CRYL1: variants seen among roughly 807,000 people sequenced by gnomAD.
CRYL1 encodes the protein crystallin lambda 1, also known as lambda-crystallin homolog.
Under a neutral mutation model 36.6 loss-of-function variants are expected in CRYL1, and 29 were observed. The observed-to-expected ratio is 0.79, with a 90% confidence interval of 0.59 to 1.08. The LOEUF (loss-of-function observed/expected upper bound fraction) is 1.08. Among genes scored for constraint, CRYL1 ranks in the 50% least tolerant of loss-of-function variants. The pLI is 0.00. For synonymous variants in CRYL1, 152 were observed against 151.5 expected, an observed-to-expected ratio of 1.00 and a Z score of -0.02; for missense variants, 411 against 407.9, an observed-to-expected ratio of 1.01 and a Z score of -0.06.
rs73445975 is a variant in CRYL1 at position 20,492,715 on chromosome 13, G to A, written c.150-3219C>T. Among the ~76,000 whole-genome samples the A allele has an allele frequency of 7.3e-3, 1,110 of 152,190 alleles. 14 individuals carry two copies. Among genetic ancestry groups the A allele is most frequent in the African/African-American group, 0.026 (1,065 of 41,516 alleles). On this transcript the variant is annotated intron_variant, in intron 2 of 7. Transcript: ENST00000298248. ...TTCTTAATTCAATTACATCTGCAACGTCCCATTTGCCATGTAAAGTTCTGG... is the reference window on the plus strand; with the variant it reads ...TTCTTAATTCAATTACATCTGCAACATCCCATTTGCCATGTAAAGTTCTGG...
intron 2 of CRYL1, among the ~76,000 whole-genome samples, chr13:20,507,200 T>C (rs1225632016): frequency 6.6e-6 from 1 of 152,238 alleles, no homozygotes; most frequent in Non-Finnish European, 1.5e-5. Context: ...GAAAACAGAC[T>C]AATACCGGAT....
intron 3 of CRYL1, among the ~76,000 whole-genome samples, chr13:20,476,566 G>A (rs997757019): frequency 1.3e-5 from 2 of 152,196 alleles, no homozygotes; most frequent in East Asian, 1.9e-4. Flanking sequence ...GCAGCTCTGC[G>A]TCAGCAGATA....
Position 20,415,480 on chromosome 13 carries a change from C to T in CRYL1, c.634-2093G>A, listed in dbSNP as rs2031638979. Among the ~76,000 whole-genome samples the T allele has an allele frequency of 6.6e-6, 1 of 152,304 alleles. No homozygotes were observed. Among genetic ancestry groups the T allele is most frequent in the South Asian group, 2.1e-4 (1 of 4,830 alleles). ...AGAGAGCGCGGCGGTGAAGCGGGAG[C>T]AGGCGGCCTGGCCCAGGAGCCAGGA... On this transcript the variant is annotated intron_variant, in intron 5 of 7. Transcript: ENST00000298248. The surrounding 1 kb of genome is among the most constrained non-coding windows in gnomAD (Gnocchi z 4.1).
rs142992225 is a variant in CRYL1 at position 20,435,943 on chromosome 13, G to A, written c.439-3647C>T. 0.01 allele frequency among the ~76,000 whole-genome samples: 1,528 copies of A among 152,296 alleles called. 23 individuals carry two copies. Among genetic ancestry groups the A allele is most frequent in the Middle Eastern group, 0.024 (7 of 294 alleles). On this transcript the variant is annotated intron_variant, in intron 4 of 7. Transcript: ENST00000298248. The surrounding 1 kb of genome is among the most constrained non-coding windows in gnomAD (Gnocchi z 4.0). ...GGGTAGCCCATCCTCTCGGCGGCGC[G>A]CTCGCAGGGAGGGCTCAAAGGCAGC...
chr13:20,460,395 T>C (rs1172129671), intron 3 of CRYL1, among the ~76,000 whole-genome samples: 2 of 152,182 alleles, frequency 1.3e-5, no homozygotes, highest in Admixed American at 6.5e-5. Context: ...CTCTTAAAGT[T>C]GGTACCAATT....
At chr13:20,487,673 G>A (rs770735203) in intron 3 of CRYL1, among the ~76,000 whole-genome samples, 2 of 152,112 alleles carry the variant, frequency 1.3e-5, no homozygotes, top group South Asian at 2.1e-4. Flanking sequence ...AAGCTACTTG[G>A]GAGGCTGAGG....
At chr13:20,498,167 A>G (rs1316606317) in intron 2 of CRYL1, among the ~76,000 whole-genome samples, 1 of 151,136 alleles carries the variant, frequency 6.6e-6, no homozygotes, top group East Asian at 1.9e-4. Context: ...TACACACTAC[A>G]TACACCGCAT....
chr13:20,426,396 AC>A (rs776751659), intron 5 of CRYL1, among the ~76,000 whole-genome samples: 9 of 151,926 alleles, frequency 5.9e-5, no homozygotes, highest in Non-Finnish European at 1.2e-4. Flanking sequence ...GACGTGTGCC[AC>A]CTGCCCAGCT....
intron 2 of CRYL1, among the ~76,000 whole-genome samples, chr13:20,490,977 C>A (rs1167218052): frequency 6.6e-6 from 1 of 152,226 alleles, no homozygotes; most frequent in Non-Finnish European, 1.5e-5. Context: ...ACAATCATGA[C>A]TCGCCATAGC....
rs574500399 is a variant in CRYL1, at chr13:20,491,530, C to T, written c.150-2034G>A. ...GTGAGGCCAGCCACAGTGTCTCACG[C>T]CTGTAATTCCAGCACTTTGCGAGGC... On this transcript the variant is annotated intron_variant, in intron 2 of 7. Transcript: ENST00000298248. Among the ~76,000 whole-genome samples the T allele has an allele frequency of 7.7e-4, 117 of 152,290 alleles. 2 individuals are homozygous for T. In the South Asian group the frequency reaches 0.012, roughly 15 times the overall value.
At chr13:20,458,226 A>C (rs1241680953) in intron 3 of CRYL1, among the ~76,000 whole-genome samples, 1 of 152,242 alleles carries the variant, frequency 6.6e-6, no homozygotes, top group African/African-American at 2.4e-5. Flanking sequence ...AATTCATTAA[A>C]TATGTTCCCA....
At chr13:20,500,605 T>A (rs371427479) in intron 2 of CRYL1, among the ~76,000 whole-genome samples, 13 of 152,298 alleles carry the variant, frequency 8.5e-5, no homozygotes, top group East Asian at 3.9e-4. Flanking sequence ...GATGTCTTTG[T>A]GAAAGTGGTA....
intron 4 of CRYL1, 54 bp downstream of exon 4, chr13:20,439,539 A>G (rs567251213): frequency 4.3e-6 from 6 of 1,380,452 alleles, no homozygotes. Context: ...AAGAAAAAAA[A>G]AAAACACAGA....
At chr13:20,420,705 G>T (rs200100498) in intron 5 of CRYL1, among the ~76,000 whole-genome samples, 21,155 of 32,228 alleles carry the variant, frequency 0.66, 6,547 homozygotes, top group South Asian at 0.81. Context: ...TAGAGGTTGT[G>T]TGTGTGTGTG....
intron 3 of CRYL1, among the ~76,000 whole-genome samples, chr13:20,445,511 C>T (rs4770032): frequency 0.45 from 68,369 of 151,934 alleles, 15,655 homozygotes; most frequent in South Asian, 0.54. Context: ...ATGCTCCTAG[C>T]CTACCTGCCT....
At chr13:20,463,934 C>T (rs1284415410) in intron 3 of CRYL1, among the ~76,000 whole-genome samples, 4 of 152,090 alleles carry the variant, frequency 2.6e-5, no homozygotes, top group South Asian at 4.2e-4. Flanking sequence ...GCAGAATGCC[C>T]GAGGGAGAGC....
chr13:20,419,894 G>A (rs2031759961), intron 5 of CRYL1, among the ~76,000 whole-genome samples: 1 of 152,226 alleles, frequency 6.6e-6, no homozygotes, highest in South Asian at 2.1e-4. Context: ...CACGGCAAGG[G>A]TGAAAAAGAT....
At chr13:20,466,740 AG>A (rs1244831347) in intron 3 of CRYL1, among the ~76,000 whole-genome samples, 4 of 145,930 alleles carry the variant, frequency 2.7e-5, no homozygotes, top group African/African-American at 1.1e-4. Context: ...TACATAAAAT[AG>A]TGAGTCTATG....
intron 3 of CRYL1, among the ~76,000 whole-genome samples, chr13:20,467,409 G>A (rs2032961247): frequency 6.6e-6 from 1 of 152,188 alleles, no homozygotes; most frequent in African/African-American, 2.4e-5. Flanking sequence ...GCAGGGACCT[G>A]TACTTGTGAA....
Sources: allele counts gnomAD v4.1 joint callset (sites outside exome capture counted in the v4.1 genomes callset), GRCh38; gene constraint gnomAD v4.1.1; non-coding constraint Gnocchi (gnomAD v3.1); transcripts MANE v1.5; gene names NCBI Gene and HGNC (gene_info 2026-07-23, HGNC 2026-07-21).